INTS2: variants seen among roughly 807,000 people sequenced by gnomAD.
INTS2 encodes integrator complex subunit 2.
A neutral mutation model predicts 139.6 loss-of-function variants in INTS2; 57 were observed. The ratio of observed to expected loss-of-function variants is 0.41; its 90% confidence interval spans 0.33 to 0.51. INTS2 has a LOEUF of 0.51. INTS2 is among the 20% of genes least tolerant of loss of function. The probability of loss-of-function intolerance (pLI) is 0.28; values close to 1 mark genes in which losing one functional copy is unlikely to be tolerated. For synonymous variants in INTS2, 473 were observed against 493.4 expected (o/e 0.96, Z 0.55); for missense variants, 1,196 against 1,436.7 (o/e 0.83, Z 2.71).
intron 4 of INTS2, 32 bp from the exon 5 acceptor site, chr17:61,919,545 G>C (rs1306966746): frequency 5.3e-6 from 6 of 1,134,830 alleles, no homozygotes; most frequent in Admixed American, 4.0e-5. Flanking sequence ...GTTAGTCTTT[G>C]TTAACAGGTG....
In INTS2 at chr17:61,875,478, A is replaced by G. The variant is rs899606875; in HGVS notation, c.2457-440T>C. ...AAATATAAGTCACTATTCTGGATTT[A>G]TCATCATAAAGTCTCCAAGTGAGAT... On this transcript the variant is annotated intron_variant, in intron 18 of 24. Coordinates refer to ENST00000251334, the MANE Select transcript of INTS2 (RefSeq NM_001351695.2). This position sits in a 1 kb window ranked among gnomAD's most constrained non-coding sequence, Gnocchi z 4.6. Among the ~76,000 whole-genome samples, 2 of 152,236 alleles carry G rather than the reference A, an allele frequency of 1.3e-5. No homozygotes were observed. Among genetic ancestry groups the G allele is most frequent in the African/African-American group, 4.8e-5 (2 of 41,466 alleles).
chr17:61,911,413 G>T, intron 7 of INTS2, 107 bp downstream of exon 7: 1 of 917,286 alleles, frequency 1.1e-6, no homozygotes, highest in Non-Finnish European at 1.5e-6. Flanking sequence ...AAACTAGAAA[G>T]TGTGAGAACC....
intron 9 of INTS2, among the ~76,000 whole-genome samples, chr17:61,900,333 G>A (rs1186900440): frequency 1.3e-5 from 2 of 152,198 alleles, no homozygotes; most frequent in Non-Finnish European, 2.9e-5. Context: ...CCTGCATTCT[G>A]CACAACTAGA....
chr17:61,906,358 C>T (rs939260068), intron 8 of INTS2, among the ~76,000 whole-genome samples: 2 of 152,200 alleles, frequency 1.3e-5, no homozygotes, highest in Non-Finnish European at 2.9e-5. Context: ...TCAACCTTTA[C>T]AACTACCTCC....
chr17:61,911,185 C>T (rs1034706281), intron 7 of INTS2: 2 of 330,116 alleles, frequency 6.1e-6, no homozygotes, highest in African/African-American at 2.1e-5. Flanking sequence ...CCTAGAACCC[C>T]CTGGCTTAAG....
Position 61,869,725 on chromosome 17 carries a change from T to C in INTS2, c.3030+12A>G. 2 of 1,610,500 alleles carry C rather than the reference T, an allele frequency of 1.2e-6. No homozygotes were observed. The highest frequency in any genetic ancestry group is 2.2e-5 in the South Asian group (2 of 90,884). On this transcript the variant is annotated intron_variant, in intron 21 of 24. Transcript: ENST00000251334. This position sits in a 1 kb window ranked among gnomAD's most constrained non-coding sequence, Gnocchi z 5.4. ...AAGTTCAAACACAAAGCATCATTCT[T>C]TGGAAACAGACCTGAAAGTGAACAA...
intron 4 of INTS2, among the ~76,000 whole-genome samples, chr17:61,921,062 G>A (rs1283361386): frequency 6.6e-6 from 1 of 152,208 alleles, no homozygotes; most frequent in African/African-American, 2.4e-5. Flanking sequence ...TGGGATTACA[G>A]GCATGAGCGA....
At chr17:61,891,308 A>C (rs969236521) in intron 14 of INTS2, among the ~76,000 whole-genome samples, 42 of 151,940 alleles carry the variant, frequency 2.8e-4, no homozygotes, top group African/African-American at 1.0e-3. Flanking sequence ...GTAAAACTCC[A>C]TCTCAAAAAA....
At chr17:61,890,066 C>T (rs2079274606) in intron 14 of INTS2, among the ~76,000 whole-genome samples, 172 bp from the exon 15 acceptor site, 1 of 152,016 alleles carries the variant, frequency 6.6e-6, no homozygotes, top group South Asian at 2.1e-4. Flanking sequence ...AACATGAAAT[C>T]TGAGATGGCA....
rs913831786 is a variant in INTS2, at chr17:61,882,021, G to C, written c.2090-850C>G. ...AAGGTCCTATTCAGAAATACTGATA[G>C]GCTTCTGTAGAGAACATGCCCTTTC... is the stretch of plus-strand genomic sequence containing the variant. On this transcript the variant is annotated intron_variant, in intron 16 of 24. Transcript: ENST00000251334. The surrounding 1 kb of genome is among the most constrained non-coding windows in gnomAD (Gnocchi z 4.7). Among the ~76,000 whole-genome samples, 1 of 152,152 alleles carries C rather than the reference G, an allele frequency of 6.6e-6. No homozygotes were observed. Among genetic ancestry groups the C allele is most frequent in the African/African-American group, 2.4e-5 (1 of 41,428 alleles).
At chr17:61,911,187 T>A in intron 7 of INTS2, 2 of 317,810 alleles carry the variant, frequency 6.3e-6, no homozygotes, top group East Asian at 5.0e-5. Context: ...TAGAACCCCC[T>A]GGCTTAAGCA....
chr17:61,908,441 C>T (rs1261851079), intron 7 of INTS2, among the ~76,000 whole-genome samples: 3 of 152,036 alleles, frequency 2.0e-5, no homozygotes, highest in African/African-American at 7.2e-5. Flanking sequence ...GTTTACAATT[C>T]TATAACCACT....
intron 9 of INTS2, among the ~76,000 whole-genome samples, chr17:61,902,270 T>C (rs898600586): frequency 6.6e-6 from 1 of 152,168 alleles, no homozygotes; most frequent in African/African-American, 2.4e-5. Context: ...GAAACTCATG[T>C]CTCTCAGTTC....
At chr17:61,890,983 CAAAAAAAAAAAAAAAA>C (rs753902456) in intron 14 of INTS2, among the ~76,000 whole-genome samples, 1 of 11,320 alleles carries the variant, frequency 8.8e-5, no homozygotes, top group Non-Finnish European at 1.6e-4. Context: ...ACTCCAGTCT[CAAAAAAAAAAAAAAAA>C]AAAAAAAAAA....
chr17:61,900,084 T>C (rs1226894507), intron 9 of INTS2, among the ~76,000 whole-genome samples: 1 of 152,130 alleles, frequency 6.6e-6, no homozygotes, highest in African/African-American at 2.4e-5. Context: ...CATAAGATAT[T>C]GAGGAGGGAC....
rs923026974 is a variant in INTS2 at position 61,872,616 on chromosome 17, A to G, written c.2583-156T>C. Reference sequence around the variant, plus strand: ...ATATTCATTCTCAAAAGTTTAATATATGTTTCTTATTCTCTGTATTTCAAG... The same window carrying G: ...ATATTCATTCTCAAAAGTTTAATATGTGTTTCTTATTCTCTGTATTTCAAG... On this transcript the variant is annotated intron_variant, in intron 19 of 24. Coordinates refer to ENST00000251334, the MANE Select transcript of INTS2 (RefSeq NM_001351695.2). The surrounding 1 kb of genome is among the most constrained non-coding windows in gnomAD (Gnocchi z 4.8). 1.3e-5 allele frequency among the ~76,000 whole-genome samples: 2 copies of G among 152,214 alleles called. No homozygotes were observed. The highest frequency in any genetic ancestry group is 4.8e-5 in the African/African-American group (2 of 41,452).
At chr17:61,919,330 G>A (rs1388400500) in intron 5 of INTS2, 70 bp downstream of exon 5, 2 of 719,404 alleles carry the variant, frequency 2.8e-6, no homozygotes, top group Admixed American at 2.7e-5. Flanking sequence ...TTTCTTCTTA[G>A]GTCAAAAAGA....
Position 61,874,953 on chromosome 17 carries a change from C to A in INTS2, c.2542G>T (p.Asp848Tyr). The change falls in exon 19 of 25, where the codon GAT (aspartate) becomes TAT (tyrosine). Residue 848 changes from aspartate (D) to tyrosine (Y), a missense_variant. By Grantham distance (160) the Asp-to-Tyr change is radical (BLOSUM62 -3). Around this residue, in one of 3 missense-constraint regions of INTS2, gnomAD observed 1,129 missense variants for 1,341.9 expected, o/e 0.84. Transcript: ENST00000251334. ...QKYTQNDLMIDPLIVLRCDQR... is the reference protein window; with the variant it reads ...QKYTQNDLMIYPLIVLRCDQR... ...TCACACCTTAGGACAATGAGAGGAT[C>A]TATCATCAGGTCATTCTGAGTATAC... 6.3e-7 allele frequency: 1 copy of A among 1,598,126 alleles called. No individual in the cohort carries two copies. Among genetic ancestry groups the A allele is most frequent in the South Asian group, 1.1e-5 (1 of 88,292 alleles).
At chr17:61,884,872 T>C (rs1165680387) in intron 16 of INTS2, 29 bp downstream of exon 16, 1 of 1,326,026 alleles carries the variant, frequency 7.5e-7, no homozygotes, top group African/African-American at 1.5e-5. Context: ...ACAATAAACT[T>C]TAGCAGTAAA....
Sources: allele counts gnomAD v4.1 joint callset (sites outside exome capture counted in the v4.1 genomes callset), GRCh38; gene constraint gnomAD v4.1.1; regional missense constraint gnomAD v4.1.1; non-coding constraint Gnocchi (gnomAD v3.1); transcripts MANE v1.5; gene names NCBI Gene and HGNC (gene_info 2026-07-23, HGNC 2026-07-21).